Variants in FABP1 observed in about 807,000 individuals in gnomAD.
FABP1 encodes fatty acid-binding protein, liver.
A neutral mutation model predicts 13.7 loss-of-function variants in FABP1; 13 were observed. The ratio of observed to expected loss-of-function variants is 0.95; its 90% CI spans 0.62 to 1.51. The LOEUF is 1.51. FABP1 is among the 40% of genes most tolerant of loss of function. The pLI is 0.00. For synonymous variants in FABP1, 48 were observed against 59.8 expected (o/e 0.80, Z 0.91); for missense variants, 140 against 155.7 (o/e 0.90, Z 0.54).
Position 88,124,487 on chromosome 2 carries a change from A to G in FABP1, c.333+7T>C. The G allele has an allele frequency of 6.2e-7, 1 of 1,605,178 alleles. No homozygotes were observed. Among genetic ancestry groups the G allele is most frequent in the Non-Finnish European group, 8.5e-7 (1 of 1,175,646 alleles). ...GGAGCCACACGCTCAGAGCACCACC[A>G]ACTTACATTGGTGATTATGTCGCCG... On this transcript the variant is annotated splice_region_variant and intron_variant, in intron 3 of 3. Coordinates refer to ENST00000295834, the MANE Select transcript of FABP1 (RefSeq NM_001443.3).
In FABP1 at chr2:88,126,332, G is replaced by T. The variant is rs771759721; in HGVS notation, c.84C>A (p.Leu28=). The T allele has an allele frequency of 6.2e-7, 1 of 1,613,682 alleles. No individual in the cohort carries two copies. The highest frequency in any genetic ancestry group is 1.3e-5 in the African/African-American group (1 of 74,906). Residue 28 remains leucine (L), a synonymous_variant, in exon 2 of 4, where the codon CTC becomes CTA. Coordinates refer to ENST00000295834, the MANE Select transcript of FABP1 (RefSeq NM_001443.3). ...CCTTGATATCCTTCCCCTTCTGGAT[G>T]AGCTCTTCCGGCAGACCTGGTGGAA... ...FMKAIGLPEE[L]IQKGKDIKGV... is the part of the protein sequence containing the mutation.
At chr2:88,125,315 TA>T (rs1411381803) in intron 2 of FABP1, among the ~76,000 whole-genome samples, 1 of 152,174 alleles carries the variant, frequency 6.6e-6, no homozygotes, top group Non-Finnish European at 1.5e-5. Context: ...ATTATCCTCC[TA>T]AAATCATCCT....
At chr2:88,124,900 A>T (rs1310421881) in intron 2 of FABP1, among the ~76,000 whole-genome samples, 3 of 152,174 alleles carry the variant, frequency 2.0e-5, no homozygotes, top group Admixed American at 2.0e-4. Flanking sequence ...TCCCAAGCTA[A>T]TGGAGGGAGG....
At chr2:88,125,997 G>A (rs1330475050) in intron 2 of FABP1, 179 bp downstream of exon 2, 5 of 600,538 alleles carry the variant, frequency 8.3e-6, no homozygotes, top group Non-Finnish European at 1.4e-5. Flanking sequence ...GAAGAGGAGA[G>A]CAGCTTCTCT....
At chr2:88,127,235 T>TC (rs1381385624) in intron 1 of FABP1, among the ~76,000 whole-genome samples, 2 of 151,946 alleles carry the variant, frequency 1.3e-5, no homozygotes, top group African/African-American at 4.8e-5. Context: ...CACTGAGCCA[T>TC]CCCCCCATGC....
At chr2:88,127,204 C>T (rs1309379392) in intron 1 of FABP1, among the ~76,000 whole-genome samples, 1 of 152,124 alleles carries the variant, frequency 6.6e-6, no homozygotes, top group African/African-American at 2.4e-5. Context: ...CAAAGCTCAG[C>T]CTGAGCCTTC....
At position 88,126,348 on chromosome 2, in the gene FABP1, C is replaced by G; in HGVS notation, c.68G>C (p.Gly23Ala). 6 of 1,612,450 alleles carry G rather than the reference C, an allele frequency of 3.7e-6. No individual in the cohort carries two copies. The highest frequency in any genetic ancestry group is 5.1e-6 in the Non-Finnish European group (6 of 1,178,650). ...CTTCTGGATGAGCTCTTCCGGCAGA[C>G]CTGGTGGAAACCGTCTGAGGTTTAG... ...ENFEAFMKAI[G>A]LPEELIQKGK... The change falls in exon 2 of 4, where the codon GGT becomes GCT. Residue 23 changes from glycine to alanine, a missense_variant and splice_region_variant. Physicochemically the swap from Gly to Ala is moderately conservative, Grantham distance 60 (BLOSUM62 0). Coordinates refer to ENST00000295834, the MANE Select transcript of FABP1 (RefSeq NM_001443.3).
chr2:88,124,565 C>T lies in FABP1; in HGVS notation c.262G>A (p.Asp88Asn), dbSNP rs1010282534. 4.0e-5 allele frequency: 64 copies of T among 1,611,046 alleles called. No individual in the cohort carries two copies. The highest frequency in any genetic ancestry group is 4.8e-5 in the Non-Finnish European group (56 of 1,178,682). The change falls in exon 3 of 4, where the codon GAC (aspartate) becomes AAC (asparagine). Residue 88 changes from aspartate (D) to asparagine (N), a missense_variant. Coordinates refer to ENST00000295834, the MANE Select transcript of FABP1 (RefSeq NM_001443.3). The stretch of plus-strand genomic sequence containing the variant: ...TTGAAAGTTGTCACCAGTTTATTGT[C>T]ACCTTCCAACTGAACCACTGTCTGC... ...KVKTVVQLEG[D>N]NKLVTTFKNI...
intron 1 of FABP1, among the ~76,000 whole-genome samples, chr2:88,126,951 G>A (rs1389946177): frequency 2.0e-5 from 3 of 152,102 alleles, no homozygotes; most frequent in Non-Finnish European, 4.4e-5. Flanking sequence ...AATTTTGTGG[G>A]TGGACAGTGA....
Position 88,126,171 on chromosome 2 carries a change from C to G in FABP1, c.240+5G>C. 6.3e-7 allele frequency: 1 copy of G among 1,599,854 alleles called. No homozygotes were observed. Among genetic ancestry groups the G allele is most frequent in the Non-Finnish European group, 8.6e-7 (1 of 1,168,780 alleles). On this transcript the variant is annotated splice_donor_5th_base_variant and intron_variant, in intron 2 of 3. Coordinates refer to ENST00000295834, the MANE Select transcript of FABP1 (RefSeq NM_001443.3). The stretch of plus-strand genomic sequence containing the variant: ...GTTCTGACAGCAGAAGGGATGCCCT[C>G]CTACCTTGACTTTCTCCCCTGTCAT...
rs530927004 is a variant in FABP1, at chr2:88,127,821, C to T, written c.67+130G>A. ...AATAACTCCAGAAGTCAGTAAAATG[C>T]CCCCTAGTTTGTGTATATAGCCTGA... On this transcript the variant is annotated intron_variant, in intron 1 of 3. Coordinates refer to ENST00000295834, the MANE Select transcript of FABP1 (RefSeq NM_001443.3). 4.2e-4 allele frequency: 390 copies of T among 922,706 alleles called. 2 individuals carry two copies. The African/African-American group carries it at 5.4e-3, about 13-fold the overall frequency. 57.2% of individuals were successfully genotyped at this position (922,706 alleles called of 1,614,324 possible).
chr2:88,122,995 C>A lies in FABP1; in HGVS notation c.*59G>T. ...ATTGAGAAGACATTTTTTTTTAAAACAAAGTTCACTTTATTACATTAATTT... is the reference window on the plus strand; with the variant it reads ...ATTGAGAAGACATTTTTTTTTAAAAAAAAGTTCACTTTATTACATTAATTT... On this transcript the variant is annotated 3_prime_UTR_variant, in exon 4 of 4. Coordinates refer to ENST00000295834, the MANE Select transcript of FABP1 (RefSeq NM_001443.3). 2 of 1,422,646 alleles carry A rather than the reference C, an allele frequency of 1.4e-6. No homozygotes were observed. The highest frequency in any genetic ancestry group is 2.3e-5 in the East Asian group (1 of 43,200). 88.1% of individuals were successfully genotyped at this position (1,422,646 alleles called of 1,614,324 possible). A position where few individuals can be genotyped will look rare whatever the true frequency, so the allele number is the denominator to read the frequency against.
intron 1 of FABP1, among the ~76,000 whole-genome samples, chr2:88,126,984 A>C (rs900866663): frequency 6.6e-6 from 1 of 152,114 alleles, no homozygotes; most frequent in Non-Finnish European, 1.5e-5. Flanking sequence ...CTGTTGCATG[A>C]GGGAGAGATG....
At position 88,128,041 on chromosome 2, in the gene FABP1, AC is replaced by A; in HGVS notation, c.-25del. 6.2e-7 allele frequency: 1 copy of A among 1,612,498 alleles called. No individual in the cohort carries two copies. ...ATGGTGGCAATAGAGCTCCCTCTTC[AC>A]GACTGACCTGCGGCTCTGCCGACCA... On this transcript the variant is annotated 5_prime_UTR_variant, in exon 1 of 4. Transcript: ENST00000295834.
At chr2:88,123,335 C>T (rs1341596169) in intron 3 of FABP1, 2 of 534,610 alleles carry the variant, frequency 3.7e-6, no homozygotes, top group African/African-American at 3.9e-5. Flanking sequence ...GGAAAGTCCT[C>T]CTGCCTTTGA....
In FABP1 at chr2:88,123,038, T is replaced by C. The variant is rs566131805; in HGVS notation, c.*16A>G. ...ATTAATTTTACACACTAAAATAATA[T>C]GAAATGCAGACTTGTTTAAATTCTC... is the stretch of plus-strand genomic sequence containing the variant. On this transcript the variant is annotated 3_prime_UTR_variant, in exon 4 of 4. Transcript: ENST00000295834. 1.3e-5 allele frequency: 21 copies of C among 1,599,082 alleles called. No individual in the cohort carries two copies. Among genetic ancestry groups the C allele is most frequent in the African/African-American group, 4.0e-5 (3 of 74,464 alleles).
chr2:88,124,221 G>A, intron 3 of FABP1: 1 of 415,478 alleles, frequency 2.4e-6, no homozygotes, highest in Non-Finnish European at 4.2e-6. Flanking sequence ...AATGGGCAAA[G>A]GCATTTATGA....
chr2:88,124,305 T>C (rs1338517300), intron 3 of FABP1, 189 bp downstream of exon 3: 1 of 532,390 alleles, frequency 1.9e-6, no homozygotes, highest in Non-Finnish European at 3.3e-6. Flanking sequence ...GGATTAGTGA[T>C]AATGTGTGTA....
chr2:88,126,110 T>A, intron 2 of FABP1, 66 bp downstream of exon 2: 1 of 1,516,756 alleles, frequency 6.6e-7, no homozygotes, highest in Non-Finnish European at 9.0e-7. Flanking sequence ...GTTTGAGCCT[T>A]GAGGAATGAG....
Sources: gnomAD v4.1 joint callset for allele counts (sites outside exome capture counted in the v4.1 genomes callset) on GRCh38, gnomAD v4.1.1 for gene constraint, MANE v1.5 for transcripts, NCBI Gene and HGNC (gene_info 2026-07-23, HGNC 2026-07-21) for gene names.